Variants in BICC1 observed in about 807,000 individuals in gnomAD.
BICC1 encodes the protein protein bicaudal C homolog 1.
A neutral mutation model predicts 111.0 loss-of-function variants in BICC1; 43 were observed. The observed-to-expected ratio is 0.39, with a 90% CI of 0.30 to 0.50. The LOEUF (loss-of-function observed/expected upper bound fraction) is 0.50, where lower values mean the gene tolerates loss of function less well. Among genes scored for constraint, BICC1 ranks in the 20% least tolerant of loss-of-function variants. The pLI is 0.88. For synonymous variants in BICC1, 467 were observed against 434.4 expected (o/e 1.07, Z -0.93); for missense variants, 1,091 against 1,203.2 (o/e 0.91, Z 1.38).
intron 3 of BICC1, among the ~76,000 whole-genome samples, chr10:58,776,621 C>T (rs1361393351): frequency 1.3e-5 from 2 of 152,130 alleles, no homozygotes; most frequent in East Asian, 1.9e-4. Context: ...CCTGGATCCT[C>T]GCATTATTGT....
chr10:58,783,380 TCCTC>T (rs1437245129), intron 3 of BICC1, among the ~76,000 whole-genome samples: 1 of 152,002 alleles, frequency 6.6e-6, no homozygotes. Context: ...CTTCTTTCCT[TCCTC>T]CCTCTTTTTT....
intron 3 of BICC1, among the ~76,000 whole-genome samples, chr10:58,718,228 T>G (rs187009660): frequency 7.5e-4 from 115 of 152,330 alleles, no homozygotes; most frequent in Non-Finnish European, 1.5e-3. Context: ...ATCAAGGTGC[T>G]GGCAGATTTG....
In BICC1 at chr10:58,538,928, A is replaced by G. The variant is rs142291362; in HGVS notation, c.190+25595A>G. Among the ~76,000 whole-genome samples, 33 of 152,000 alleles carry G rather than the reference A, an allele frequency of 2.2e-4. No individual in the cohort carries two copies. The East Asian group carries it at 6.4e-3, about 29-fold the overall frequency. On this transcript the variant is annotated intron_variant, in intron 1 of 20. Transcript: ENST00000373886. The stretch of plus-strand genomic sequence containing the variant: ...ACCATTATTAAAAATTCAAATAACA[A>G]TAGATGTTGGCATGGACAGGGTGAA...
intron 2 of BICC1, among the ~76,000 whole-genome samples, chr10:58,677,100 A>G (rs992370261): frequency 6.6e-5 from 10 of 152,256 alleles, no homozygotes; most frequent in African/African-American, 2.4e-4. Context: ...AGGAAAAAGC[A>G]GCGCAAAAAG....
rs71467049 is a variant in BICC1, at chr10:58,708,002, A to ATTTTTTTT, written c.307+5865_307+5872dup. On this transcript the variant is annotated intron_variant, in intron 3 of 20. Coordinates refer to ENST00000373886, the MANE Select transcript of BICC1 (RefSeq NM_001080512.3). ...GTGAGCCACCGCGCCTAGCCAGCTAATTTTTTTTTTTTTGTATTTTTAGTA... is the reference window on the plus strand; with the variant it reads ...GTGAGCCACCGCGCCTAGCCAGCTAATTTTTTTTTTTTTTTTTTTTTGTATTTTTAGTA... Among the ~76,000 whole-genome samples, 12 of 108,332 alleles carry ATTTTTTTT rather than the reference A, an allele frequency of 1.1e-4. 2 individuals are homozygous for ATTTTTTTT. The highest frequency in any genetic ancestry group is 3.5e-4 in the African/African-American group (10 of 28,182). The allele number at this position is 108,332 out of a possible 152,430, so 71.1% of individuals were successfully genotyped here. A position where few individuals can be genotyped will look rare whatever the true frequency, so the allele number is the denominator to read the frequency against.
At chr10:58,795,030 G>T (rs1201293188) in intron 9 of BICC1, among the ~76,000 whole-genome samples, 2 of 152,104 alleles carry the variant, frequency 1.3e-5, no homozygotes, top group Non-Finnish European at 2.9e-5. Flanking sequence ...GCATTGTTTA[G>T]AAGGATGCAC....
At chr10:58,717,019 C>T (rs1840766444) in intron 3 of BICC1, among the ~76,000 whole-genome samples, 1 of 147,090 alleles carries the variant, frequency 6.8e-6, no homozygotes, top group Non-Finnish European at 1.5e-5. Flanking sequence ...GATTTACCTC[C>T]ACTTCAGTAA....
intron 1 of BICC1, among the ~76,000 whole-genome samples, chr10:58,543,163 T>G (rs1423848700): frequency 1.3e-5 from 2 of 151,964 alleles, no homozygotes; most frequent in Non-Finnish European, 2.9e-5. Flanking sequence ...GATATAGACA[T>G]ACAATGGAAT....
At chr10:58,654,895 C>A (rs371016093) in intron 2 of BICC1, among the ~76,000 whole-genome samples, 9 of 137,860 alleles carry the variant, frequency 6.5e-5, no homozygotes, top group East Asian at 4.4e-4. Flanking sequence ...TCAGCTTTCT[C>A]CATATGGCTA....
intron 3 of BICC1, among the ~76,000 whole-genome samples, chr10:58,741,482 CTATT>C (rs1280944435): frequency 9.9e-5 from 15 of 152,060 alleles, no homozygotes; most frequent in Admixed American, 5.9e-4. Context: ...CATTTTTGCT[CTATT>C]TATATTATTT....
chr10:58,708,050 G>T (rs1840449658), intron 3 of BICC1, among the ~76,000 whole-genome samples: 1 of 133,248 alleles, frequency 7.5e-6, no homozygotes, highest in Non-Finnish European at 1.6e-5. Flanking sequence ...TACCATGTTG[G>T]CCAGGCTGGT....
intron 3 of BICC1, among the ~76,000 whole-genome samples, chr10:58,730,826 T>C (rs980209134): frequency 6.6e-6 from 1 of 152,134 alleles, no homozygotes; most frequent in African/African-American, 2.4e-5. Context: ...AGCAGTGTTC[T>C]AAGGCTGTGC....
At chr10:58,671,266 A>G (rs1005106544) in intron 2 of BICC1, among the ~76,000 whole-genome samples, 2 of 152,208 alleles carry the variant, frequency 1.3e-5, no homozygotes. Flanking sequence ...GGTATTTGTT[A>G]TGAAAAAACT....
At chr10:58,749,452 C>A (rs1457567360) in intron 3 of BICC1, among the ~76,000 whole-genome samples, 1 of 152,068 alleles carries the variant, frequency 6.6e-6, no homozygotes, top group African/African-American at 2.4e-5. Flanking sequence ...TCCTTTGAGT[C>A]TGAATATACA....
At chr10:58,803,426 TTTACC>T (rs1247471931) in intron 15 of BICC1, among the ~76,000 whole-genome samples, 184 bp downstream of exon 15, 1 of 152,152 alleles carries the variant, frequency 6.6e-6, no homozygotes, top group African/African-American at 2.4e-5. Context: ...AAAAGCAGTA[TTTACC>T]TTAAGTGAGA....
intron 3 of BICC1, among the ~76,000 whole-genome samples, chr10:58,779,042 C>T (rs778018120): frequency 6.6e-5 from 10 of 152,014 alleles, no homozygotes; most frequent in Non-Finnish European, 1.2e-4. Flanking sequence ...TGTATTTTCA[C>T]CGTAAAAAAA....
At chr10:58,630,502 C>A (rs1837759556) in intron 2 of BICC1, among the ~76,000 whole-genome samples, 1 of 152,082 alleles carries the variant, frequency 6.6e-6, no homozygotes, top group South Asian at 2.1e-4. Context: ...GATCATAGCT[C>A]ACTACAGCCT....
chr10:58,758,308 C>T (rs1034512659), intron 3 of BICC1, among the ~76,000 whole-genome samples: 5 of 152,114 alleles, frequency 3.3e-5, no homozygotes, highest in Non-Finnish European at 5.9e-5. Flanking sequence ...ATATAGGAGC[C>T]CCTCACTATA....
chr10:58,733,771 A>G (rs912380301), intron 3 of BICC1, among the ~76,000 whole-genome samples: 6 of 152,216 alleles, frequency 3.9e-5, no homozygotes, highest in African/African-American at 1.4e-4. Flanking sequence ...GCTGGTTGGC[A>G]TTGATAGTCT....
Sources: allele counts gnomAD v4.1 joint callset (sites outside exome capture counted in the v4.1 genomes callset), GRCh38; gene constraint gnomAD v4.1.1; transcripts MANE v1.5; gene names NCBI Gene and HGNC (gene_info 2026-07-23, HGNC 2026-07-21).